Variants in GPR158 observed in about 807,000 individuals in gnomAD.
The protein encoded by GPR158 is G protein-coupled receptor 158.
A neutral mutation model predicts 78.2 loss-of-function variants in GPR158; 30 were observed. The ratio of observed to expected loss-of-function variants is 0.38; its 90% CI spans 0.29 to 0.52. The LOEUF (loss-of-function observed/expected upper bound fraction) is 0.52, where lower values mean the gene tolerates loss of function less well. GPR158 is among the 20% of genes least tolerant of loss of function. The probability of loss-of-function intolerance (pLI) is 0.83; values close to 1 mark genes in which losing one functional copy is unlikely to be tolerated. For missense variants in GPR158, 1,463 were observed against 1,523.5 expected (o/e 0.96, Z 0.66); for synonymous variants, 581 against 591.1 (o/e 0.98, Z 0.25).
chr10:25,580,117 A>G (rs1195166196), intron 7 of GPR158, among the ~76,000 whole-genome samples: 1 of 152,256 alleles, frequency 6.6e-6, no homozygotes, highest in Admixed American at 6.5e-5. Flanking sequence ...CATTGAAAAG[A>G]AAGACGTAAA....
At chr10:25,568,737 T>G (rs1340510342) in intron 6 of GPR158, among the ~76,000 whole-genome samples, 1 of 152,210 alleles carries the variant, frequency 6.6e-6, no homozygotes, top group Admixed American at 6.5e-5. Context: ...TGAATTTATC[T>G]GCTATTAATG....
At chr10:25,423,351 A>G (rs1381797521) in intron 4 of GPR158, among the ~76,000 whole-genome samples, 1 of 150,404 alleles carries the variant, frequency 6.6e-6, no homozygotes, top group African/African-American at 2.4e-5. Context: ...GATACCTGAT[A>G]GTGGGATTGC....
chr10:25,288,816 C>T (rs1028212427), intron 2 of GPR158, among the ~76,000 whole-genome samples: 1 of 152,202 alleles, frequency 6.6e-6, no homozygotes, highest in African/African-American at 2.4e-5. Flanking sequence ...AAAATAATAA[C>T]TCTTGCTAGT....
At chr10:25,262,384 A>T (rs967747400) in intron 2 of GPR158, among the ~76,000 whole-genome samples, 14 of 152,200 alleles carry the variant, frequency 9.2e-5, no homozygotes, top group Admixed American at 7.9e-4. Flanking sequence ...TGATTGCAAT[A>T]CACTTTGGAA....
chr10:25,200,868 G>GTTTT (rs56696555), intron 1 of GPR158, among the ~76,000 whole-genome samples: 19 of 113,334 alleles, frequency 1.7e-4, no homozygotes, highest in East Asian at 4.8e-4. Context: ...TTTTTGTTTT[G>GTTTT]TTTTTTTTTT....
At chr10:25,451,451 A>G (rs1232845576) in intron 4 of GPR158, among the ~76,000 whole-genome samples, 2 of 152,124 alleles carry the variant, frequency 1.3e-5, no homozygotes, top group Non-Finnish European at 2.9e-5. Context: ...TTCTATTTGT[A>G]TTTCTGCTTT....
intron 2 of GPR158, among the ~76,000 whole-genome samples, chr10:25,340,303 G>A (rs550686911): frequency 3.9e-5 from 6 of 152,106 alleles, no homozygotes; most frequent in Admixed American, 1.3e-4. Flanking sequence ...AGATATACCC[G>A]TTAAAGGCCA....
chr10:25,184,713 T>C (rs984863082), intron 1 of GPR158, among the ~76,000 whole-genome samples: 2 of 152,210 alleles, frequency 1.3e-5, no homozygotes, highest in African/African-American at 2.4e-5. Context: ...GGACTAATAA[T>C]AGAAGGGAAT....
At chr10:25,538,791 G>A (rs1277215064) in intron 5 of GPR158, among the ~76,000 whole-genome samples, 3 of 151,968 alleles carry the variant, frequency 2.0e-5, no homozygotes, top group African/African-American at 7.3e-5. Flanking sequence ...TTTTATTTTT[G>A]AGGACATGAT....
chr10:25,240,900 T>C (rs1467578209), intron 2 of GPR158, among the ~76,000 whole-genome samples: 5 of 152,196 alleles, frequency 3.3e-5, no homozygotes, highest in African/African-American at 1.2e-4. Context: ...CCAACTTTCT[T>C]AATAGTTTAT....
At chr10:25,491,267 C>G (rs1250581843) in intron 5 of GPR158, among the ~76,000 whole-genome samples, 1 of 152,068 alleles carries the variant, frequency 6.6e-6, no homozygotes, top group East Asian at 1.9e-4. Flanking sequence ...GTTAAAGAGC[C>G]ATATGTCTAG....
intron 2 of GPR158, among the ~76,000 whole-genome samples, chr10:25,241,534 C>G (rs923383932): frequency 3.3e-5 from 5 of 151,800 alleles, no homozygotes; most frequent in Admixed American, 2.0e-4. Flanking sequence ...GATTTTCCTG[C>G]CTCAGCCTCC....
chr10:25,387,239 T>C (rs1240149094), intron 2 of GPR158, among the ~76,000 whole-genome samples: 1 of 152,198 alleles, frequency 6.6e-6, no homozygotes, highest in East Asian at 1.9e-4. Flanking sequence ...GATCGTTTGG[T>C]TTTGTCCTTC....
At chr10:25,372,497 G>A (rs997281598) in intron 2 of GPR158, among the ~76,000 whole-genome samples, 1 of 144,464 alleles carries the variant, frequency 6.9e-6, no homozygotes, top group Admixed American at 6.9e-5. Context: ...AGAAAATGTG[G>A]CACATATACA....
intron 2 of GPR158, among the ~76,000 whole-genome samples, chr10:25,228,867 T>TA (rs199962512): frequency 0.02 from 2,944 of 150,286 alleles, 85 homozygotes; most frequent in African/African-American, 0.063. Flanking sequence ...CCGTCTCTAC[T>TA]AAAAAAAAAT....
chr10:25,184,437 C>T (rs933656662), intron 1 of GPR158, among the ~76,000 whole-genome samples: 4 of 152,198 alleles, frequency 2.6e-5, no homozygotes, highest in Admixed American at 2.6e-4. Flanking sequence ...TGAGCCAGCA[C>T]ACTCAGCTCC....
At chr10:25,392,888 T>G in intron 2 of GPR158, among the ~76,000 whole-genome samples, 1 of 152,162 alleles carries the variant, frequency 6.6e-6, no homozygotes, top group South Asian at 2.1e-4. Flanking sequence ...GTAGCACATT[T>G]GGTTCCGTAC....
chr10:25,191,245 A>T (rs1020542806), intron 1 of GPR158, among the ~76,000 whole-genome samples: 4 of 152,222 alleles, frequency 2.6e-5, no homozygotes, highest in Non-Finnish European at 5.9e-5. Context: ...CACGTAATCC[A>T]ATTTATTTTT....
chr10:25,280,608 A>G (rs1357961733), intron 2 of GPR158, among the ~76,000 whole-genome samples: 1 of 152,224 alleles, frequency 6.6e-6, no homozygotes, highest in Non-Finnish European at 1.5e-5. Context: ...CTTAATGTAC[A>G]TACATTGGAC....
Sources: gnomAD v4.1 joint callset for allele counts (sites outside exome capture counted in the v4.1 genomes callset) on GRCh38, gnomAD v4.1.1 for gene constraint, MANE v1.5 for transcripts, NCBI Gene and HGNC (gene_info 2026-07-23, HGNC 2026-07-21) for gene names.